The following PDE5A variants were observed in gnomAD, a reference collection of about 807,000 sequenced individuals.
PDE5A encodes cGMP-specific 3',5'-cyclic phosphodiesterase.
A neutral mutation model predicts 110.2 loss-of-function variants in PDE5A; 67 were observed. The observed-to-expected ratio is 0.61, with a 90% CI of 0.50 to 0.75. The LOEUF is 0.75. PDE5A is among the 30% of genes least tolerant of loss of function. The probability of loss-of-function intolerance (pLI) is 0.00; values close to 1 mark genes in which losing one functional copy is unlikely to be tolerated. For synonymous variants in PDE5A, 328 were observed against 351.2 expected, an observed-to-expected ratio of 0.93 and a Z score of 0.74; for missense variants, 862 against 1,045.1, an observed-to-expected ratio of 0.82 and a Z score of 2.42.
chr4:119,570,260 T>C (rs1344839131), intron 3 of PDE5A, among the ~76,000 whole-genome samples: 2 of 152,226 alleles, frequency 1.3e-5, no homozygotes, highest in East Asian at 3.8e-4. Context: ...TCATTGTCTT[T>C]AAATCAAGTA....
intron 3 of PDE5A, among the ~76,000 whole-genome samples, chr4:119,575,645 T>G (rs1434763018): frequency 6.6e-6 from 1 of 152,180 alleles, no homozygotes; most frequent in Non-Finnish European, 1.5e-5. Context: ...CTGAGAGATT[T>G]TGTCACCACC....
At chr4:119,583,749 T>G (rs1484152370) in intron 3 of PDE5A, among the ~76,000 whole-genome samples, 3 of 152,044 alleles carry the variant, frequency 2.0e-5, no homozygotes, top group African/African-American at 7.3e-5. Context: ...ATGAAGAAGG[T>G]GAAAGCTTTG....
At chr4:119,520,903 G>GTATT (rs1726104373) in intron 13 of PDE5A, 32 bp downstream of exon 13, 3 of 1,579,742 alleles carry the variant, frequency 1.9e-6, no homozygotes, top group Non-Finnish European at 2.6e-6. Context: ...GCAACAAAAT[G>GTATT]TATTAGATAT....
At chr4:119,519,342 G>C in intron 13 of PDE5A, 1 of 457,916 alleles carries the variant, frequency 2.2e-6, no homozygotes, top group Non-Finnish European at 3.9e-6. Flanking sequence ...CACCACAAAT[G>C]TCACTTATCA....
intron 2 of PDE5A, among the ~76,000 whole-genome samples, chr4:119,604,979 AGACTATT>A (rs2110546452): frequency 6.6e-6 from 1 of 152,250 alleles, no homozygotes; most frequent in East Asian, 1.9e-4. Context: ...ATACTTACTT[AGACTATT>A]AAGATAATCT....
intron 12 of PDE5A, among the ~76,000 whole-genome samples, chr4:119,524,097 A>G: frequency 6.6e-6 from 1 of 152,130 alleles, no homozygotes; most frequent in East Asian, 1.9e-4. Flanking sequence ...AATATTATAG[A>G]TAAGTACATA....
chr4:119,612,679 C>A (rs562531931), intron 1 of PDE5A, among the ~76,000 whole-genome samples: 1 of 152,318 alleles, frequency 6.6e-6, no homozygotes, highest in East Asian at 1.9e-4. Context: ...ACTCCTTTTG[C>A]CCTCCTGTGA....
chr4:119,580,806 G>A (rs376346638), intron 3 of PDE5A, among the ~76,000 whole-genome samples: 5 of 152,288 alleles, frequency 3.3e-5, no homozygotes, highest in East Asian at 1.9e-4. Flanking sequence ...AGCCCAAAAT[G>A]TCAATAAAAA....
Position 119,606,260 on chromosome 4 carries a change from T to C in PDE5A, c.741+449A>G, listed in dbSNP as rs551444884. On this transcript the variant is annotated intron_variant, in intron 2 of 20. Coordinates refer to ENST00000354960, the MANE Select transcript of PDE5A (RefSeq NM_001083.4). ...CCAGACTTTGGTATCAATGGGACTT[T>C]GAATGAATATGATTAATTGAATGAA... 3.3e-5 allele frequency among the ~76,000 whole-genome samples: 5 copies of C among 152,256 alleles called. No individual in the cohort carries two copies. The East Asian group carries it at 7.7e-4, about 24-fold the overall frequency.
intron 7 of PDE5A, 126 bp downstream of exon 7, chr4:119,560,170 G>C: frequency 1.7e-6 from 1 of 592,224 alleles, no homozygotes; most frequent in Non-Finnish European, 2.9e-6. Flanking sequence ...CCGTAAATGT[G>C]AGAAAAGACA....
chr4:119,566,377 A>C (rs561779300), intron 4 of PDE5A, among the ~76,000 whole-genome samples: 2 of 152,294 alleles, frequency 1.3e-5, no homozygotes, highest in African/African-American at 4.8e-5. Flanking sequence ...TTGAATAGGA[A>C]TAATTCAGTA....
intron 9 of PDE5A, chr4:119,549,497 T>A (rs181942102): frequency 1.3e-5 from 2 of 152,360 alleles, no homozygotes; most frequent in African/African-American, 4.8e-5. Flanking sequence ...GTAATTTTTA[T>A]TTTTATGCTT....
At chr4:119,561,538 G>T (rs1727746387) in intron 6 of PDE5A, among the ~76,000 whole-genome samples, 1 of 152,144 alleles carries the variant, frequency 6.6e-6, no homozygotes, top group Admixed American at 6.5e-5. Flanking sequence ...TATTTAAGTT[G>T]TGTAAAAAAA....
At chr4:119,539,209 A>T in intron 10 of PDE5A, 190 bp from the exon 11 acceptor site, 1 of 562,332 alleles carries the variant, frequency 1.8e-6, no homozygotes, top group Non-Finnish European at 3.2e-6. Flanking sequence ...GTTTTGGAAA[A>T]CAAAAAGTTA....
At chr4:119,561,516 G>T (rs916917744) in intron 6 of PDE5A, among the ~76,000 whole-genome samples, 1 of 152,084 alleles carries the variant, frequency 6.6e-6, no homozygotes, top group Admixed American at 6.5e-5. Context: ...CATTGAGTGC[G>T]AATTAAAGTG....
chr4:119,567,008 G>A, intron 4 of PDE5A, 65 bp downstream of exon 4: 7 of 1,064,996 alleles, frequency 6.6e-6, no homozygotes, highest in South Asian at 1.3e-5. Context: ...AAACCTAGAG[G>A]TGTATATACT....
intron 3 of PDE5A, among the ~76,000 whole-genome samples, chr4:119,587,195 G>A (rs1728792131): frequency 6.7e-6 from 1 of 149,918 alleles, no homozygotes; most frequent in Non-Finnish European, 1.5e-5. Flanking sequence ...ATACTGTGGG[G>A]AATAAATGCA....
intron 3 of PDE5A, among the ~76,000 whole-genome samples, chr4:119,574,222 G>A (rs370430365): frequency 8.4e-6 from 1 of 118,446 alleles, no homozygotes; most frequent in Admixed American, 1.2e-4. Flanking sequence ...TCACTCTGTC[G>A]CCCAGGCTGG....
intron 1 of PDE5A, among the ~76,000 whole-genome samples, chr4:119,614,254 G>C (rs1442457615): frequency 1.3e-5 from 2 of 152,052 alleles, no homozygotes; most frequent in African/African-American, 4.8e-5. Context: ...GTACTGAAAA[G>C]AAGTATAATA....
Sources: allele counts gnomAD v4.1 joint callset (sites outside exome capture counted in the v4.1 genomes callset), GRCh38; gene constraint gnomAD v4.1.1; transcripts MANE v1.5; gene names NCBI Gene and HGNC (gene_info 2026-07-23, HGNC 2026-07-21).